The following USP34 variants were observed in gnomAD, a reference collection of about 807,000 sequenced individuals.
USP34 encodes ubiquitin carboxyl-terminal hydrolase 34.
In USP34, 70 loss-of-function variants were observed where a neutral mutation model predicts 460.3. The ratio of observed to expected loss-of-function variants is 0.15; its 90% confidence interval spans 0.13 to 0.19. USP34 has a LOEUF of 0.19. Among genes scored for constraint, USP34 ranks in the 10% least tolerant of loss-of-function variants. USP34 has a pLI of 1.00. For missense variants in USP34, 3,985 were observed against 4,236.2 expected (o/e 0.94, Z 1.65); for synonymous variants, 1,647 against 1,405.3 (o/e 1.17, Z -3.85).
At position 61,304,622 on chromosome 2, in the gene USP34, T is replaced by C. The variant is rs149325766; in HGVS notation, c.3818-3168A>G. Among the ~76,000 whole-genome samples the C allele has an allele frequency of 2.8e-3, 426 of 152,320 alleles. 1 individual carries two copies. Among genetic ancestry groups the C allele is most frequent in the African/African-American group, 9.5e-3 (397 of 41,572 alleles). ...ATGAAGACACAGCAATAAAGCACTA[T>C]CTATGAGAAAGCTGTCACTTGACAC... is the stretch of plus-strand genomic sequence containing the variant. On this transcript the variant is annotated intron_variant, in intron 27 of 79. Coordinates refer to ENST00000398571, the MANE Select transcript of USP34 (RefSeq NM_014709.4).
chr2:61,239,379 A>C (rs1688180595), intron 53 of USP34, among the ~76,000 whole-genome samples: 1 of 151,994 alleles, frequency 6.6e-6, no homozygotes, highest in Non-Finnish European at 1.5e-5. Flanking sequence ...TGATGTAAAT[A>C]AACAAAATAC....
chr2:61,301,574 T>C (rs1478582062), intron 27 of USP34, 120 bp from the exon 28 acceptor site: 6 of 872,904 alleles, frequency 6.9e-6, no homozygotes, highest in Non-Finnish European at 1.0e-5. Flanking sequence ...TAATCTAAGG[T>C]AAAGACAGAA....
intron 3 of USP34, among the ~76,000 whole-genome samples, chr2:61,402,360 T>A (rs1239294345): frequency 6.6e-6 from 1 of 152,104 alleles, no homozygotes; most frequent in African/African-American, 2.4e-5. Context: ...TACCGAACCT[T>A]TTAAAATATC....
At chr2:61,394,583 A>G (rs1304421166) in intron 5 of USP34, among the ~76,000 whole-genome samples, 2 of 152,012 alleles carry the variant, frequency 1.3e-5, no homozygotes, top group South Asian at 2.1e-4. Context: ...AAAATTAGCA[A>G]AAGTTTTATG....
At chr2:61,229,813 A>T (rs1409169288) in intron 58 of USP34, among the ~76,000 whole-genome samples, 180 bp from the exon 59 acceptor site, 3 of 152,196 alleles carry the variant, frequency 2.0e-5, no homozygotes. Flanking sequence ...AGGTAGCATT[A>T]AAAAAATTCA....
Position 61,399,874 on chromosome 2 carries a change from C to CAAAAAAAAA in USP34, c.553-4650_553-4642dup, listed in dbSNP as rs529141667. On this transcript the variant is annotated intron_variant, in intron 3 of 79. Transcript: ENST00000398571. The stretch of plus-strand genomic sequence containing the variant: ...GGCAACAGTGCGAGACACTGTCTCC[C>CAAAAAAAAA]AAAAAAAAAAAAAAAAAGCTGTATT... Among the ~76,000 whole-genome samples the CAAAAAAAAA allele has an allele frequency of 3.0e-4, 21 of 69,996 alleles. 1 individual carries two copies. Among genetic ancestry groups the CAAAAAAAAA allele is most frequent in the African/African-American group, 7.5e-4 (13 of 17,410 alleles). The allele number at this position is 69,996 out of a possible 152,430, so 45.9% of individuals were successfully genotyped here.
Position 61,188,190 on chromosome 2 carries a change from T to A in USP34, c.10553A>T (p.Asp3518Val), listed in dbSNP as rs1686500149. ...GGTCCTACACAGGGTATCTAAAATG[T>A]CATGTTGCTGCATATGACTAAAGAG... ...RGLFSHMQQH[D>V]ILDTLCRTIE... The change falls in exon 80 of 80, where the codon GAC (aspartate) becomes GTC (valine). Residue 3518 changes from aspartate (D) to valine (V), a missense_variant. Transcript: ENST00000398571. 6.2e-7 allele frequency: 1 copy of A among 1,614,032 alleles called. No homozygotes were observed. The highest frequency in any genetic ancestry group is 1.3e-5 in the African/African-American group (1 of 74,912).
At chr2:61,420,431 T>G (rs1239517023) in intron 2 of USP34, among the ~76,000 whole-genome samples, 1 of 152,194 alleles carries the variant, frequency 6.6e-6, no homozygotes, top group African/African-American at 2.4e-5. Context: ...TTTTAAGGAT[T>G]AAGATTGTTA....
chr2:61,337,205 A>G (rs1170024851), intron 18 of USP34, among the ~76,000 whole-genome samples: 12 of 152,170 alleles, frequency 7.9e-5, no homozygotes, highest in Non-Finnish European at 1.5e-5. Flanking sequence ...CCAGTCTACT[A>G]AATACAAGAA....
intron 48 of USP34, chr2:61,250,195 A>T (rs1303466761): frequency 6.2e-6 from 1 of 161,828 alleles, no homozygotes; most frequent in African/African-American, 2.4e-5. Context: ...TCCAGCCTGG[A>T]CAACAGAGCG....
At chr2:61,273,214 G>A (rs890367303) in intron 41 of USP34, among the ~76,000 whole-genome samples, 4 of 152,002 alleles carry the variant, frequency 2.6e-5, no homozygotes, top group African/African-American at 9.7e-5. Flanking sequence ...AACATAAAAC[G>A]ATTGGCTTTG....
At chr2:61,263,513 G>A (rs1184063909) in intron 43 of USP34, among the ~76,000 whole-genome samples, 11 of 146,416 alleles carry the variant, frequency 7.5e-5, no homozygotes, top group African/African-American at 2.3e-4. Context: ...ACAAAGTCTC[G>A]CTCTGTCGCC....
At chr2:61,223,573 CTTTTT>C (rs569962717) in intron 62 of USP34, 1 of 230,208 alleles carries the variant, frequency 4.3e-6, no homozygotes. Flanking sequence ...ATTTTACTTA[CTTTTT>C]TTTTTTTTTG....
chr2:61,339,756 A>G, intron 16 of USP34, 75 bp from the exon 17 acceptor site: 1 of 670,508 alleles, frequency 1.5e-6, no homozygotes, highest in Non-Finnish European at 2.2e-6. Context: ...TATGGTTAGC[A>G]AATCCAAAGA....
intron 5 of USP34, among the ~76,000 whole-genome samples, chr2:61,389,560 G>A (rs1177605071): frequency 1.3e-5 from 2 of 152,090 alleles, no homozygotes; most frequent in African/African-American, 4.8e-5. Flanking sequence ...TGTGATAAAT[G>A]AGAAAAGTAA....
rs542964857 is a variant in USP34 at position 61,450,995 on chromosome 2, G to A, written c.43+19655C>T. 9.2e-5 allele frequency among the ~76,000 whole-genome samples: 14 copies of A among 151,558 alleles called. No individual in the cohort carries two copies. The East Asian group carries it at 2.5e-3, about 27-fold the overall frequency. On this transcript the variant is annotated intron_variant, in intron 1 of 79. Coordinates refer to ENST00000398571, the MANE Select transcript of USP34 (RefSeq NM_014709.4). ...AGCACTTTGGGAGGCCAAGGCAGGCGGATCACGAGGTCAAGAGTTCAAGAC... is the reference window on the plus strand; with the variant it reads ...AGCACTTTGGGAGGCCAAGGCAGGCAGATCACGAGGTCAAGAGTTCAAGAC...
In USP34 at chr2:61,288,752, T is replaced by C. The variant is rs772845537; in HGVS notation, c.4674A>G (p.Lys1558=). The change falls in exon 34 of 80, where the codon AAA becomes AAG. Residue 1558 remains lysine (K), a synonymous_variant. Transcript: ENST00000398571. ...TCCTTGATTTGCCAGGCCAGGTTCT[T>C]TTCCTATGGCTTTCCGCTATACCAG... ...AWSGIAESHR[K]RTWPGKSRKA... 1.7e-5 allele frequency: 27 copies of C among 1,613,962 alleles called. No individual in the cohort carries two copies. The highest frequency in any genetic ancestry group is 2.3e-5 in the Non-Finnish European group (27 of 1,179,970).
chr2:61,377,195 A>G (rs971565063), intron 8 of USP34, among the ~76,000 whole-genome samples: 4 of 152,196 alleles, frequency 2.6e-5, no homozygotes, highest in Non-Finnish European at 4.4e-5. Context: ...AAGAGTCAAG[A>G]GACAGTCTCT....
intron 2 of USP34, among the ~76,000 whole-genome samples, chr2:61,420,155 G>C (rs912249832): frequency 2.0e-5 from 3 of 152,064 alleles, no homozygotes; most frequent in Non-Finnish European, 4.4e-5. Context: ...AAATTTTTTA[G>C]AAGGACTAAG....
Sources: gnomAD v4.1 joint callset for allele counts (sites outside exome capture counted in the v4.1 genomes callset) on GRCh38, gnomAD v4.1.1 for gene constraint, MANE v1.5 for transcripts, NCBI Gene and HGNC (gene_info 2026-07-23, HGNC 2026-07-21) for gene names.